Variants in KIAA1958 observed in about 807,000 individuals in gnomAD.
KIAA1958 encodes KIAA1958, also known as uncharacterized protein KIAA1958.
In KIAA1958, 14 loss-of-function variants were observed where a neutral mutation model predicts 47.2. The observed-to-expected ratio is 0.30, with a 90% CI of 0.20 to 0.46. The LOEUF is 0.46. KIAA1958 is among the 20% of genes least tolerant of loss of function. The pLI, the probability that KIAA1958 is intolerant of heterozygous loss-of-function variation, is 1.00. For missense variants in KIAA1958, 803 were observed against 909.2 expected (o/e 0.88, Z 1.50); for synonymous variants, 354 against 353.3 (o/e 1.00, Z -0.02).
Position 112,517,294 on chromosome 9 carries a change from G to A in KIAA1958, c.-25+30176G>A, listed in dbSNP as rs1377465441. ...GTGACAAGGTATTCAGTGGAAAAAG[G>A]ATAATCTTTTCAACAAATGGTGCTT... On this transcript the variant is annotated intron_variant, in intron 1 of 3. Transcript: ENST00000337530. 2.0e-5 allele frequency among the ~76,000 whole-genome samples: 3 copies of A among 152,194 alleles called. No individual in the cohort carries two copies. The East Asian group carries it at 5.8e-4, about 29-fold the overall frequency.
intron 1 of KIAA1958, among the ~76,000 whole-genome samples, chr9:112,549,463 CTCAT>C (rs1322125219): frequency 1.3e-5 from 2 of 152,214 alleles, no homozygotes; most frequent in Non-Finnish European, 2.9e-5. Context: ...CTTGTCTTCA[CTCAT>C]TGTTTATGGA....
intron 1 of KIAA1958, among the ~76,000 whole-genome samples, chr9:112,550,929 T>A (rs1010122861): frequency 1.3e-5 from 2 of 152,146 alleles, no homozygotes; most frequent in African/African-American, 4.8e-5. Flanking sequence ...TTCCACAAAC[T>A]TAAGAGTTTC....
chr9:112,622,187 T>C (rs1446053538), intron 2 of KIAA1958, among the ~76,000 whole-genome samples: 5 of 152,250 alleles, frequency 3.3e-5, no homozygotes, highest in Non-Finnish European at 7.3e-5. Context: ...CAAAATTGCA[T>C]ATATACTTTA....
intron 2 of KIAA1958, chr9:112,581,708 T>C (rs534949986): frequency 6.1e-6 from 1 of 163,600 alleles, no homozygotes; most frequent in Admixed American, 6.3e-5. Context: ...GGAAGGAACA[T>C]TGAACCCTGC....
At chr9:112,495,446 A>G (rs1834037231) in intron 1 of KIAA1958, among the ~76,000 whole-genome samples, 1 of 152,172 alleles carries the variant, frequency 6.6e-6, no homozygotes, top group African/African-American at 2.4e-5. Flanking sequence ...AAATATGGCC[A>G]CTCAATTAAA....
Position 112,664,817 on chromosome 9 carries a change from T to G in KIAA1958, c.*4748T>G, listed in dbSNP as rs1460513997. 6.6e-6 allele frequency: 1 copy of G among 152,216 alleles called. No homozygotes were observed. The highest frequency in any genetic ancestry group is 2.4e-5 in the African/African-American group (1 of 41,440). 9.4% of individuals were successfully genotyped at this position (152,216 alleles called of 1,614,324 possible). On this transcript the variant is annotated 3_prime_UTR_variant, in exon 4 of 4. Transcript: ENST00000337530. Reference sequence around the variant, plus strand: ...GAGGCCATGGGGTATGATAACTAAATGAACATCTCTGGAAGTTCCTCCGTC... The same window carrying G: ...GAGGCCATGGGGTATGATAACTAAAGGAACATCTCTGGAAGTTCCTCCGTC...
intron 2 of KIAA1958, among the ~76,000 whole-genome samples, chr9:112,636,908 C>G (rs934764361): frequency 6.6e-6 from 1 of 151,802 alleles, no homozygotes; most frequent in Admixed American, 6.6e-5. Context: ...TTTTTTGGTC[C>G]CATCTATTCT....
chr9:112,513,940 A>G (rs1834369588), intron 1 of KIAA1958, among the ~76,000 whole-genome samples: 1 of 4,696 alleles, frequency 2.1e-4, no homozygotes, highest in Non-Finnish European at 4.9e-4. Flanking sequence ...CCATCTAGGA[A>G]GTGAGGAGCG....
At chr9:112,603,943 T>C (rs1836179801) in intron 2 of KIAA1958, among the ~76,000 whole-genome samples, 2 of 152,212 alleles carry the variant, frequency 1.3e-5, no homozygotes, top group Non-Finnish European at 2.9e-5. Flanking sequence ...ATCATTTCTT[T>C]TCTTTATCAA....
chr9:112,655,790 T>C (rs1837140840), intron 3 of KIAA1958, among the ~76,000 whole-genome samples: 2 of 152,190 alleles, frequency 1.3e-5, no homozygotes, highest in Non-Finnish European at 2.9e-5. Context: ...ACCTGGAGCA[T>C]GGTGGCCTCA....
At chr9:112,637,316 CT>C (rs776116477) in intron 2 of KIAA1958, among the ~76,000 whole-genome samples, 3 of 152,098 alleles carry the variant, frequency 2.0e-5, no homozygotes, top group Non-Finnish European at 4.4e-5. Context: ...TTTTTTAGCG[CT>C]TGACTGCTAA....
At chr9:112,620,496 A>G (rs1238515902) in intron 2 of KIAA1958, among the ~76,000 whole-genome samples, 1 of 152,232 alleles carries the variant, frequency 6.6e-6, no homozygotes, top group Non-Finnish European at 1.5e-5. Context: ...TTCCAACACC[A>G]AGTCATAAGC....
intron 1 of KIAA1958, among the ~76,000 whole-genome samples, chr9:112,546,250 C>T (rs1401140527): frequency 6.6e-6 from 1 of 152,122 alleles, no homozygotes; most frequent in Non-Finnish European, 1.5e-5. Flanking sequence ...CTAGAGGAAA[C>T]CCCCACTAGC....
chr9:112,537,823 G>C (rs962724576), intron 1 of KIAA1958, among the ~76,000 whole-genome samples: 21 of 152,136 alleles, frequency 1.4e-4, no homozygotes, highest in African/African-American at 4.6e-4. Context: ...AATATTTAGA[G>C]CAGGGAAAAT....
intron 1 of KIAA1958, among the ~76,000 whole-genome samples, chr9:112,539,210 A>G (rs75992368): frequency 0.012 from 1,899 of 152,312 alleles, 42 homozygotes; most frequent in African/African-American, 0.041. Context: ...ACCTGAGACT[A>G]TTGGAAACAT....
At chr9:112,492,465 G>C (rs888322746) in intron 1 of KIAA1958, among the ~76,000 whole-genome samples, 28 of 152,262 alleles carry the variant, frequency 1.8e-4, no homozygotes, top group African/African-American at 6.7e-4. Flanking sequence ...GATGTGAACA[G>C]ATGAATTTGA....
Position 112,572,130 on chromosome 9 carries a change from C to G in KIAA1958, c.-24-1927C>G, listed in dbSNP as rs566379030. Among the ~76,000 whole-genome samples the G allele has an allele frequency of 2.6e-5, 4 of 152,182 alleles. No individual in the cohort carries two copies. The East Asian group carries it at 7.7e-4, about 29-fold the overall frequency. ...TCCGTTTACATGGCTGCTTCATGAACTCTGGGAGCTCATCTGTCACTCTTC... is the reference window on the plus strand; with the variant it reads ...TCCGTTTACATGGCTGCTTCATGAAGTCTGGGAGCTCATCTGTCACTCTTC... On this transcript the variant is annotated intron_variant, in intron 1 of 3. Transcript: ENST00000337530.
At chr9:112,639,062 T>A (rs756059955) in intron 2 of KIAA1958, among the ~76,000 whole-genome samples, 2 of 152,222 alleles carry the variant, frequency 1.3e-5, no homozygotes, top group Non-Finnish European at 2.9e-5. Flanking sequence ...TTCCTGTGAT[T>A]TTTCTACAAA....
chr9:112,554,854 T>C (rs1835214926), intron 1 of KIAA1958, among the ~76,000 whole-genome samples: 1 of 152,298 alleles, frequency 6.6e-6, no homozygotes. Flanking sequence ...TTGGAGCCAC[T>C]GTTACAGTGT....
Sources: allele counts gnomAD v4.1 joint callset (sites outside exome capture counted in the v4.1 genomes callset), GRCh38; gene constraint gnomAD v4.1.1; transcripts MANE v1.5; gene names NCBI Gene and HGNC (gene_info 2026-07-23, HGNC 2026-07-21).